CDC73: variants seen among roughly 807,000 people sequenced by gnomAD.
CDC73 encodes the protein cell division cycle 73.
In CDC73, 21 loss-of-function variants were observed where a neutral mutation model predicts 83.7. The observed-to-expected ratio is 0.25, with a 90% CI of 0.18 to 0.36. The LOEUF (loss-of-function observed/expected upper bound fraction) is 0.36. Among genes scored for constraint, CDC73 ranks in the 10% least tolerant of loss-of-function variants. The probability of loss-of-function intolerance (pLI) is 1.00; values close to 1 mark genes in which losing one functional copy is unlikely to be tolerated. For synonymous variants in CDC73, 224 were observed against 212.9 expected (o/e 1.05, Z -0.45); for missense variants, 342 against 653.3 (o/e 0.52, Z 5.19).
intron 10 of CDC73, among the ~76,000 whole-genome samples, chr1:193,172,103 T>C (rs535289010): frequency 6.6e-6 from 1 of 152,182 alleles, no homozygotes; most frequent in African/African-American, 2.4e-5. Flanking sequence ...ATTTGTATTT[T>C]TAGTTTGGAT....
At chr1:193,216,195 A>G (rs1417250492) in intron 13 of CDC73, among the ~76,000 whole-genome samples, 2 of 152,196 alleles carry the variant, frequency 1.3e-5, no homozygotes, top group Non-Finnish European at 2.9e-5. Context: ...ATAGACTGCT[A>G]GCTAGATTAA....
intron 10 of CDC73, chr1:193,180,585 C>A (rs763779071): frequency 1.9e-6 from 3 of 1,614,096 alleles, no homozygotes; most frequent in Non-Finnish European, 2.5e-6. Context: ...CTTTAAAAAT[C>A]TTTTCTGCCA....
chr1:193,122,664 A>G, intron 1 of CDC73: 3 of 250,578 alleles, frequency 1.2e-5, no homozygotes, highest in Admixed American at 5.2e-5. Context: ...ACATAGGTGC[A>G]CAAAGGAGCA....
chr1:193,203,345 T>C (rs750905224), intron 10 of CDC73, among the ~76,000 whole-genome samples: 12 of 152,270 alleles, frequency 7.9e-5, no homozygotes, highest in Middle Eastern at 3.5e-3. Flanking sequence ...GAAATGTTTG[T>C]TTTTTAAATA....
chr1:193,136,056 A>G (rs1430788174), intron 5 of CDC73, among the ~76,000 whole-genome samples: 1 of 151,764 alleles, frequency 6.6e-6, no homozygotes, highest in Non-Finnish European at 1.5e-5. Flanking sequence ...TTTTTTTAAT[A>G]GAGACAGGGT....
chr1:193,229,755 A>C (rs930408304), intron 13 of CDC73, among the ~76,000 whole-genome samples: 14 of 152,260 alleles, frequency 9.2e-5, no homozygotes, highest in African/African-American at 3.4e-4. Context: ...TACATCCCAC[A>C]GCAGGTATGA....
rs1677294864 is a variant in CDC73 at position 193,212,399 on chromosome 1, C to T, written c.1076C>T (p.Thr359Ile). The change falls in exon 13 of 17, where the codon ACA (threonine) becomes ATA (isoleucine). Residue 359 changes from threonine to isoleucine, a missense_variant. Transcript: ENST00000367435. ...PPPNQKKGSR[T>I]PIIIIPAATT... The stretch of plus-strand genomic sequence containing the variant: ...AATTTTGTCTTTATAGGATCTCGAA[C>T]ACCCATTATCATAATTCCTGCAGCT... The T allele has an allele frequency of 1.3e-6, 2 of 1,595,320 alleles. No homozygotes were observed. The highest frequency in any genetic ancestry group is 1.7e-6 in the Non-Finnish European group (2 of 1,167,960).
At chr1:193,168,600 C>T (rs184844858) in intron 10 of CDC73, among the ~76,000 whole-genome samples, 80 of 151,956 alleles carry the variant, frequency 5.3e-4, no homozygotes, top group African/African-American at 1.5e-3. Flanking sequence ...TCTTGCCTCA[C>T]TGCACCCTCC....
At chr1:193,129,751 G>C (rs1675662108) in intron 2 of CDC73, among the ~76,000 whole-genome samples, 1 of 151,974 alleles carries the variant, frequency 6.6e-6, no homozygotes, top group Admixed American at 6.6e-5. Context: ...GACCTCAGGT[G>C]ATCCACCCAC....
chr1:193,212,670 T>TTACAGAAACTTCTGGC (rs1677299792), intron 13 of CDC73, among the ~76,000 whole-genome samples, 193 bp downstream of exon 13: 2 of 152,188 alleles, frequency 1.3e-5, no homozygotes, highest in Non-Finnish European at 2.9e-5. Flanking sequence ...TTAGGGAAAG[T>TTACAGAAACTTCTGGC]TACAGAAACT....
chr1:193,180,305 T>C (rs1241128287), intron 10 of CDC73: 1 of 1,573,438 alleles, frequency 6.4e-7, no homozygotes. Context: ...TAATGTAGTT[T>C]ACGGTGGCGA....
At chr1:193,143,380 A>T (rs1237129105) in intron 7 of CDC73, among the ~76,000 whole-genome samples, 1 of 152,156 alleles carries the variant, frequency 6.6e-6, no homozygotes, top group Non-Finnish European at 1.5e-5. Flanking sequence ...AAAATAAAAA[A>T]ATCTCAAACT....
At chr1:193,201,575 AG>A (rs1366985407) in intron 10 of CDC73, among the ~76,000 whole-genome samples, 1 of 152,182 alleles carries the variant, frequency 6.6e-6, no homozygotes, top group African/African-American at 2.4e-5. Context: ...CCTAGTGACC[AG>A]GGGATAGAGC....
intron 10 of CDC73, among the ~76,000 whole-genome samples, chr1:193,159,811 A>T (rs2103139325): frequency 6.6e-6 from 1 of 152,326 alleles, no homozygotes; most frequent in East Asian, 1.9e-4. Context: ...ATTTAGACTG[A>T]ACACTTATTT....
At position 193,122,173 on chromosome 1, in the gene CDC73, C is replaced by T. The variant is rs759109408; in HGVS notation, c.-28C>T. 8 of 1,610,736 alleles carry T rather than the reference C, an allele frequency of 5.0e-6. No homozygotes were observed. The highest frequency in any genetic ancestry group is 5.9e-6 in the Non-Finnish European group (7 of 1,177,880). ...AGGCGCGGCGGCAGCGGCGGCGCCCCGAGCCGGCGGAGGCGAGGGGGGGGA... is the reference window on the plus strand; with the variant it reads ...AGGCGCGGCGGCAGCGGCGGCGCCCTGAGCCGGCGGAGGCGAGGGGGGGGA... On this transcript the variant is annotated 5_prime_UTR_variant, in exon 1 of 17. Transcript: ENST00000367435.
chr1:193,233,210 A>ATG, intron 14 of CDC73, 56 bp downstream of exon 14: 1 of 1,479,924 alleles, frequency 6.8e-7, no homozygotes, highest in Middle Eastern at 2.3e-4. Flanking sequence ...AAGAGAATGA[A>ATG]TGTTGTTATT....
intron 10 of CDC73, among the ~76,000 whole-genome samples, chr1:193,170,975 C>G (rs1420705601): frequency 1.3e-5 from 2 of 152,194 alleles, no homozygotes; most frequent in Non-Finnish European, 2.9e-5. Flanking sequence ...TATCCAAGGA[C>G]TATATGGATA....
At chr1:193,214,584 T>C (rs1677331160) in intron 13 of CDC73, among the ~76,000 whole-genome samples, 1 of 152,128 alleles carries the variant, frequency 6.6e-6, no homozygotes, top group African/African-American at 2.4e-5. Flanking sequence ...CCGGGCATGG[T>C]GGCAGGTGCC....
chr1:193,160,422 A>G (rs191974384), intron 10 of CDC73, among the ~76,000 whole-genome samples: 4 of 152,254 alleles, frequency 2.6e-5, no homozygotes, highest in African/African-American at 7.2e-5. Flanking sequence ...ATTTTGTTAA[A>G]TAACAAAAAT....
Sources: gnomAD v4.1 joint callset for allele counts (sites outside exome capture counted in the v4.1 genomes callset) on GRCh38, gnomAD v4.1.1 for gene constraint, MANE v1.5 for transcripts, NCBI Gene and HGNC (gene_info 2026-07-23, HGNC 2026-07-21) for gene names.